Variants in ISCA1 observed in about 807,000 individuals in gnomAD.
The protein encoded by ISCA1 is iron-sulfur cluster assembly 1, also known as iron-sulfur cluster assembly 1 homolog, mitochondrial.
A neutral mutation model predicts 14.7 loss-of-function variants in ISCA1; 9 were observed. The observed-to-expected ratio is 0.61, with a 90% CI of 0.37 to 1.07. The LOEUF is 1.07. Ranked by LOEUF, ISCA1 falls within the 50% of genes least tolerant of loss-of-function variation. The pLI, the probability that ISCA1 is intolerant of heterozygous loss-of-function variation, is 0.01. For missense variants in ISCA1, 102 were observed against 150.1 expected, an observed-to-expected ratio of 0.68 and a Z score of 1.67; for synonymous variants, 38 against 54.3, an observed-to-expected ratio of 0.70 and a Z score of 1.32.
chr9:86,276,885 A>AG lies in ISCA1; in HGVS notation c.82-2644_82-2643insC, dbSNP rs1316162061. On this transcript the variant is annotated intron_variant, in intron 1 of 3. Coordinates refer to ENST00000375991, the MANE Select transcript of ISCA1 (RefSeq NM_030940.4). ...GACTCTGTCTCAAAAAAAAAAAAAA[A>AG]AAAAAAAAAAAGGCATAGCCATGGA... Among the ~76,000 whole-genome samples the AG allele has an allele frequency of 6.1e-4, 92 of 150,408 alleles. 1 individual carries two copies. Among genetic ancestry groups the AG allele is most frequent in the African/African-American group, 1.0e-3 (43 of 41,018 alleles).
At chr9:86,268,477 G>A (rs1395503271) in intron 3 of ISCA1, among the ~76,000 whole-genome samples, 2 of 144,142 alleles carry the variant, frequency 1.4e-5, no homozygotes, top group African/African-American at 5.1e-5. Context: ...AGCTTACAAA[G>A]TAAAAAAGTT....
chr9:86,274,010 G>C, intron 2 of ISCA1, among the ~76,000 whole-genome samples, 179 bp downstream of exon 2: 1 of 152,190 alleles, frequency 6.6e-6, no homozygotes, highest in East Asian at 1.9e-4. Context: ...CAGGTTGAAA[G>C]AATGACTTCC....
rs1309089743 is a variant in ISCA1 at position 86,278,312 on chromosome 9, GTCTTT to G, written c.81+4061_81+4065del. Among the ~76,000 whole-genome samples the G allele has an allele frequency of 9.2e-5, 14 of 152,168 alleles. No homozygotes were observed. In the South Asian group the frequency reaches 2.1e-3, roughly 23 times the overall value. ...AGAAAAGACAAAAGCATTCTCTTTTGTCTTTTCTTATTTGTGTATATGTGTATATA... is the reference window on the plus strand; with the variant it reads ...AGAAAAGACAAAAGCATTCTCTTTTGTCTTATTTGTGTATATGTGTATATA... On this transcript the variant is annotated intron_variant, in intron 1 of 3. Coordinates refer to ENST00000375991, the MANE Select transcript of ISCA1 (RefSeq NM_030940.4).
intron 1 of ISCA1, chr9:86,282,085 C>T (rs1172478805): frequency 4.5e-6 from 2 of 448,656 alleles, no homozygotes; most frequent in Non-Finnish European, 8.0e-6. Context: ...GGCGATCGGC[C>T]CCCGGGGACG....
chr9:86,275,806 G>T (rs1825433735), intron 1 of ISCA1, among the ~76,000 whole-genome samples: 1 of 152,184 alleles, frequency 6.6e-6, no homozygotes, highest in South Asian at 2.1e-4. Flanking sequence ...ACACAGGGTG[G>T]AAGGAGAAAA....
intron 1 of ISCA1, among the ~76,000 whole-genome samples, chr9:86,279,784 A>G (rs1278113887): frequency 6.6e-6 from 1 of 152,200 alleles, no homozygotes; most frequent in Non-Finnish European, 1.5e-5. Flanking sequence ...TGACGGCATC[A>G]CTACTTTTGC....
rs1825287345 is a variant in ISCA1 at position 86,265,935 on chromosome 9, G to T, written c.*108C>A. On this transcript the variant is annotated 3_prime_UTR_variant, in exon 4 of 4. Transcript: ENST00000375991. The stretch of plus-strand genomic sequence containing the variant: ...TCCAACACACTGGATTCATTTTCAA[G>T]ATGTATCACTTTATTTTCCAGCACG... The T allele has an allele frequency of 1.3e-5, 20 of 1,487,550 alleles. No homozygotes were observed. The highest frequency in any genetic ancestry group is 1.9e-5 in the Non-Finnish European group (20 of 1,067,138). The allele number at this position is 1,487,550 out of a possible 1,614,324, so 92.1% of individuals were successfully genotyped here.
chr9:86,268,617 G>A (rs773188571), intron 3 of ISCA1, among the ~76,000 whole-genome samples: 7 of 152,024 alleles, frequency 4.6e-5, no homozygotes, highest in African/African-American at 1.2e-4. Context: ...TGACTCACGC[G>A]GACAACTTCC....
At chr9:86,271,949 C>T in intron 3 of ISCA1, 58 bp downstream of exon 3, 1 of 905,668 alleles carries the variant, frequency 1.1e-6, no homozygotes, top group African/African-American at 1.7e-5. Context: ...TTGTGCTGTG[C>T]AAGGCTAATA....
At chr9:86,274,368 A>C (rs530604188) in intron 1 of ISCA1, 126 bp from the exon 2 acceptor site, 8 of 644,138 alleles carry the variant, frequency 1.2e-5, no homozygotes, top group Admixed American at 8.4e-5. Flanking sequence ...TTGCCAGGGT[A>C]CCTTATGGAC....
intron 3 of ISCA1, chr9:86,267,319 C>T (rs532154726): frequency 2.4e-6 from 2 of 816,616 alleles, no homozygotes; most frequent in Admixed American, 6.2e-5. Context: ...AATTAAGTCA[C>T]CTCTTCTTTA....
intron 1 of ISCA1, 185 bp downstream of exon 1, chr9:86,282,193 T>G: frequency 1.6e-6 from 1 of 640,340 alleles, no homozygotes; most frequent in East Asian, 3.0e-5. Flanking sequence ...GCCCGGGACT[T>G]GTTTATCGTT....
intron 1 of ISCA1, among the ~76,000 whole-genome samples, chr9:86,279,097 T>C (rs756396194): frequency 1.3e-5 from 2 of 152,228 alleles, no homozygotes; most frequent in Non-Finnish European, 2.9e-5. Flanking sequence ...AAAGGACTTC[T>C]GGTTCTAGTC....
Position 86,282,228 on chromosome 9 carries a change from A to G in ISCA1, c.81+150T>C, listed in dbSNP as rs565019626. On this transcript the variant is annotated intron_variant, in intron 1 of 3. Transcript: ENST00000375991. The stretch of plus-strand genomic sequence containing the variant: ...TGCAAAGAGGGGCCGGAGGCGAAGG[A>G]GGCGGCGAGGCTGTGCGGCGGGTCG... The G allele has an allele frequency of 1.0e-3, 813 of 778,988 alleles. 1 individual carries two copies. In the African/African-American group the frequency reaches 0.011, roughly 11 times the overall value. The allele number at this position is 778,988 out of a possible 1,614,324, so 48.3% of individuals were successfully genotyped here. A position where few individuals can be genotyped will look rare whatever the true frequency, so the allele number is the denominator to read the frequency against.
chr9:86,269,176 T>C (rs1191182697), intron 3 of ISCA1, among the ~76,000 whole-genome samples: 1 of 152,204 alleles, frequency 6.6e-6, no homozygotes, highest in African/African-American at 2.4e-5. Flanking sequence ...AGGCTTGTGT[T>C]AACACACCCG....
intron 3 of ISCA1, 114 bp downstream of exon 3, chr9:86,271,893 G>C (rs897051946): frequency 5.3e-5 from 34 of 645,554 alleles, no homozygotes; most frequent in Non-Finnish European, 8.1e-5. Flanking sequence ...TACACACACA[G>C]TGAGCATTAT....
At chr9:86,271,608 A>AT (rs368399717) in intron 3 of ISCA1, among the ~76,000 whole-genome samples, 66 of 152,346 alleles carry the variant, frequency 4.3e-4, no homozygotes, top group African/African-American at 1.5e-3. Context: ...GCTTACACAA[A>AT]AACTGTTGGT....
intron 1 of ISCA1, among the ~76,000 whole-genome samples, chr9:86,281,230 T>C (rs1227281460): frequency 6.6e-6 from 1 of 152,216 alleles, no homozygotes; most frequent in African/African-American, 2.4e-5. Flanking sequence ...ACATAATCAG[T>C]ACACTAGTAG....
In ISCA1 at chr9:86,282,409, T is replaced by G; in HGVS notation, c.50A>C (p.Lys17Thr). The change falls in exon 1 of 4, where the codon AAG becomes ACG. Residue 17 changes from lysine (K) to threonine (T), a missense_variant. Physicochemically the swap from Lys to Thr is moderately conservative, Grantham distance 78 (BLOSUM62 -1). Transcript: ENST00000375991. ...GAGGGCTGCCCGGGTGGGCTGCAGC[T>G]TCCTCTTGCTCACAGCCCGGACAGT... ...RATVRAVSKR[K>T]LQPTRAALTL... The G allele has an allele frequency of 6.4e-7, 1 of 1,554,604 alleles. No individual in the cohort carries two copies. The highest frequency in any genetic ancestry group is 8.7e-7 in the Non-Finnish European group (1 of 1,149,108).
Sources: allele counts gnomAD v4.1 joint callset (sites outside exome capture counted in the v4.1 genomes callset), GRCh38; gene constraint gnomAD v4.1.1; transcripts MANE v1.5; gene names NCBI Gene and HGNC (gene_info 2026-07-23, HGNC 2026-07-21).